Variants in PCDH15 observed in about 807,000 individuals in gnomAD.
PCDH15 encodes the protein protocadherin-15.
Under a neutral mutation model 178.5 loss-of-function variants are expected in PCDH15, and 129 were observed. That is an observed-to-expected ratio of 0.72 (90% CI 0.63 to 0.84). The LOEUF (loss-of-function observed/expected upper bound fraction) is 0.84. Ranked by LOEUF, PCDH15 falls within the 40% of genes least tolerant of loss-of-function variation. PCDH15 has a pLI of 0.00. For missense variants in PCDH15, 2,230 were observed against 2,099.9 expected (o/e 1.06, Z -1.21); for synonymous variants, 800 against 732.0 (o/e 1.09, Z -1.50).
intron 3 of PCDH15, among the ~76,000 whole-genome samples, chr10:54,811,705 G>C (rs1437433405): frequency 6.6e-6 from 1 of 152,100 alleles, no homozygotes; most frequent in Non-Finnish European, 1.5e-5. Context: ...TCCTGACCTT[G>C]TGATCCACCC....
At chr10:54,020,538 TTTTTTG>T (rs1349383479) in intron 19 of PCDH15, 122 bp from the exon 20 acceptor site, 11 of 984,856 alleles carry the variant, frequency 1.1e-5, no homozygotes, top group Middle Eastern at 2.2e-4. Flanking sequence ...AAAAGACACG[TTTTTTG>T]TTTTTGTTTT....
At chr10:53,859,103 C>T (rs1467444180) in intron 27 of PCDH15, among the ~76,000 whole-genome samples, 2 of 151,826 alleles carry the variant, frequency 1.3e-5, no homozygotes, top group South Asian at 4.2e-4. Context: ...ATCAAACCAC[C>T]CGGAACAAGT....
chr10:55,071,332 G>A (rs1029555527), intron 2 of PCDH15, among the ~76,000 whole-genome samples: 1 of 152,080 alleles, frequency 6.6e-6, no homozygotes, highest in African/African-American at 2.4e-5. Context: ...ACCCATCAGT[G>A]TGCTGTATTC....
intron 1 of PCDH15, among the ~76,000 whole-genome samples, chr10:55,256,710 T>C (rs1471350930): frequency 6.6e-6 from 1 of 152,040 alleles, no homozygotes; most frequent in East Asian, 1.9e-4. Flanking sequence ...CCTGAGTAGG[T>C]AAACAAAGCT....
At chr10:55,580,510 AC>A (rs1236641562) in intron 2 of PCDH15, among the ~76,000 whole-genome samples, 2 of 151,852 alleles carry the variant, frequency 1.3e-5, no homozygotes, top group Non-Finnish European at 2.9e-5. Flanking sequence ...GGTGCCCACC[AC>A]CATGCACAGC....
intron 32 of PCDH15, among the ~76,000 whole-genome samples, chr10:53,826,451 A>T (rs2076686123): frequency 2.0e-5 from 3 of 152,030 alleles, no homozygotes; most frequent in South Asian, 2.1e-4. Flanking sequence ...CTAGTAACTG[A>T]TACGGATGTC....
At chr10:53,988,358 G>A (rs1309959242) in intron 21 of PCDH15, among the ~76,000 whole-genome samples, 1 of 152,116 alleles carries the variant, frequency 6.6e-6, no homozygotes, top group Non-Finnish European at 1.5e-5. Context: ...GAGGGGATGG[G>A]GGAGGGTGTG....
chr10:55,426,426 A>C (rs1361332963), intron 2 of PCDH15, among the ~76,000 whole-genome samples: 1 of 152,132 alleles, frequency 6.6e-6, no homozygotes, highest in East Asian at 1.9e-4. Flanking sequence ...CACTCAGGTG[A>C]GCAGGTACAG....
chr10:55,477,787 T>A (rs893965406), intron 2 of PCDH15, among the ~76,000 whole-genome samples: 1 of 151,900 alleles, frequency 6.6e-6, no homozygotes, highest in Non-Finnish European at 1.5e-5. Context: ...TTGATAAATA[T>A]CAGTAAACAA....
intron 2 of PCDH15, among the ~76,000 whole-genome samples, chr10:55,570,537 G>A (rs1842388405): frequency 6.6e-6 from 1 of 151,874 alleles, no homozygotes; most frequent in Admixed American, 6.6e-5. Context: ...ACACATCTCT[G>A]AAATTACAGT....
At chr10:55,340,515 T>C (rs1486993143) in intron 2 of PCDH15, among the ~76,000 whole-genome samples, 1 of 151,996 alleles carries the variant, frequency 6.6e-6, no homozygotes, top group African/African-American at 2.4e-5. Flanking sequence ...CACATAAAAC[T>C]TCACGTATCT....
At chr10:55,280,401 C>T (rs1203829208) in intron 1 of PCDH15, among the ~76,000 whole-genome samples, 2 of 147,880 alleles carry the variant, frequency 1.4e-5, no homozygotes, top group Non-Finnish European at 3.0e-5. Context: ...GCCTCAGCCT[C>T]CTGAGTAGCT....
At chr10:55,110,853 T>C (rs181384810) in intron 2 of PCDH15, among the ~76,000 whole-genome samples, 1 of 152,250 alleles carries the variant, frequency 6.6e-6, no homozygotes, top group East Asian at 1.9e-4. Flanking sequence ...TTGTTAGAAA[T>C]TCAGTTTCTG....
At chr10:54,157,656 T>A (rs980614980) in intron 13 of PCDH15, among the ~76,000 whole-genome samples, 2 of 152,238 alleles carry the variant, frequency 1.3e-5, no homozygotes, top group Non-Finnish European at 2.9e-5. Flanking sequence ...TGCAAATTTT[T>A]GCAGGTGGCT....
chr10:54,206,079 A>G (rs995455411), intron 10 of PCDH15, among the ~76,000 whole-genome samples: 1 of 152,256 alleles, frequency 6.6e-6, no homozygotes, highest in East Asian at 1.9e-4. Context: ...TTTTTAATAA[A>G]ACGAAATACT....
intron 1 of PCDH15, among the ~76,000 whole-genome samples, chr10:55,315,660 A>T (rs950577480): frequency 6.6e-6 from 1 of 152,150 alleles, no homozygotes; most frequent in Non-Finnish European, 1.5e-5. Context: ...CAGGGGAAAA[A>T]TGTCCATATT....
chr10:54,697,225 T>C (rs1431188922), intron 1 of PCDH15, among the ~76,000 whole-genome samples: 1 of 152,100 alleles, frequency 6.6e-6, no homozygotes, highest in African/African-American at 2.4e-5. Context: ...TTATCTAAAA[T>C]ATCAGAAATA....
intron 2 of PCDH15, among the ~76,000 whole-genome samples, chr10:55,494,818 ATT>A (rs576238023): frequency 2.0e-5 from 3 of 151,786 alleles, no homozygotes; most frequent in African/African-American, 4.8e-5. Context: ...ATGTGCATAC[ATT>A]TTTGAAAAAC....
At chr10:54,655,081 G>C (rs1408889988) in intron 2 of PCDH15, 3 of 152,262 alleles carry the variant, frequency 2.0e-5, no homozygotes, top group African/African-American at 7.3e-5. Flanking sequence ...CGCGGTGGCG[G>C]GAGCCTGTGG....
Sources: gnomAD v4.1 joint callset for allele counts (sites outside exome capture counted in the v4.1 genomes callset) on GRCh38, gnomAD v4.1.1 for gene constraint, MANE v1.5 for transcripts, NCBI Gene and HGNC (gene_info 2026-07-23, HGNC 2026-07-21) for gene names.